The following RABGAP1L variants were observed in gnomAD, a reference collection of about 807,000 sequenced individuals.
RABGAP1L encodes the protein rab GTPase-activating protein 1-like.
RABGAP1L carries 63 observed loss-of-function variants against 137.7 expected under a neutral mutation model. That is an observed-to-expected ratio of 0.46 (90% confidence interval 0.37 to 0.56). The LOEUF is 0.56. Ranked by LOEUF, RABGAP1L falls within the 20% of genes least tolerant of loss-of-function variation. The probability of loss-of-function intolerance (pLI) is 0.00; values close to 1 mark genes in which losing one functional copy is unlikely to be tolerated. For missense variants in RABGAP1L, 1,095 were observed against 1,244.0 expected (o/e 0.88, Z 1.80); for synonymous variants, 431 against 433.7 (o/e 0.99, Z 0.08).
intron 19 of RABGAP1L, among the ~76,000 whole-genome samples, chr1:174,827,855 T>C (rs561431474): frequency 6.7e-6 from 1 of 148,232 alleles, no homozygotes; most frequent in Non-Finnish European, 1.5e-5. Context: ...TCCTATGTTA[T>C]GCAGACCATA....
At chr1:174,899,576 TGCACCCTGAGAGGA>T (rs1657801095) in intron 19 of RABGAP1L, among the ~76,000 whole-genome samples, 1 of 152,208 alleles carries the variant, frequency 6.6e-6, no homozygotes, top group African/African-American at 2.4e-5. Context: ...TGTGAGTTTA[TGCACCCTGAGAGGA>T]TCATGTCTAG....
intron 19 of RABGAP1L, among the ~76,000 whole-genome samples, chr1:174,828,271 G>A (rs567303472): frequency 6.8e-6 from 1 of 147,916 alleles, no homozygotes; most frequent in Admixed American, 6.8e-5. Flanking sequence ...TTTGGTTTCT[G>A]TCCCCTCTAG....
At chr1:174,174,025 T>C (rs1408711315) in intron 1 of RABGAP1L, among the ~76,000 whole-genome samples, 5 of 152,182 alleles carry the variant, frequency 3.3e-5, no homozygotes, top group Non-Finnish European at 5.9e-5. Context: ...TAAAGCTCTT[T>C]AGGCTGTCGC....
At chr1:174,587,775 A>G (rs998177816) in intron 13 of RABGAP1L, among the ~76,000 whole-genome samples, 5 of 150,494 alleles carry the variant, frequency 3.3e-5, no homozygotes, top group African/African-American at 7.2e-5. Flanking sequence ...ATGCATGACA[A>G]TAACATCAGG....
At position 174,448,031 on chromosome 1, in the gene RABGAP1L, CAT is replaced by C; in HGVS notation, c.1710+53887_1710+53888del. On this transcript the variant is annotated intron_variant, in intron 13 of 25. Coordinates refer to ENST00000681986, the MANE Select transcript of RABGAP1L (RefSeq NM_001366446.1). This position sits in a 1 kb window ranked among gnomAD's most constrained non-coding sequence, Gnocchi z 4.2. Reference sequence around the variant, plus strand: ...CTACTGAAGCAGGTTCTGAAACACTCATGTGCGGTGTTTAACAGATGCTGGGC... The same window carrying C: ...CTACTGAAGCAGGTTCTGAAACACTCGTGCGGTGTTTAACAGATGCTGGGC... The C allele has an allele frequency of 1.7e-6, 2 of 1,184,164 alleles. No homozygotes were observed. The highest frequency in any genetic ancestry group is 1.4e-5 in the South Asian group (1 of 70,400). The allele number at this position is 1,184,164 out of a possible 1,614,324, so 73.4% of individuals were successfully genotyped here.
Position 174,598,253 on chromosome 1 carries a change from G to T in RABGAP1L, c.1711-39122G>T, listed in dbSNP as rs973527836. 3.3e-5 allele frequency among the ~76,000 whole-genome samples: 5 copies of T among 150,674 alleles called. No homozygotes were observed. The South Asian group carries it at 6.3e-4, about 19-fold the overall frequency. ...TGAGGCAGGGGAATCCCTTGAACCC[G>T]GGAGGCGGAGGTTGCAGTGAGCCGA... On this transcript the variant is annotated intron_variant, in intron 13 of 25. Coordinates refer to ENST00000681986, the MANE Select transcript of RABGAP1L (RefSeq NM_001366446.1).
intron 18 of RABGAP1L, among the ~76,000 whole-genome samples, chr1:174,802,078 A>G (rs1019461454): frequency 6.6e-6 from 1 of 152,216 alleles, no homozygotes; most frequent in African/African-American, 2.4e-5. Context: ...TTAGGGATGA[A>G]TTTAAACTGC....
intron 13 of RABGAP1L, among the ~76,000 whole-genome samples, chr1:174,610,742 C>A (rs940697713): frequency 6.6e-6 from 1 of 152,206 alleles, no homozygotes; most frequent in East Asian, 1.9e-4. Flanking sequence ...TTAATGATCA[C>A]CATTCTAACT....
At chr1:174,649,724 T>G (rs9425784) in intron 14 of RABGAP1L, among the ~76,000 whole-genome samples, 123,132 of 152,088 alleles carry the variant, frequency 0.81, 50,637 homozygotes, top group African/African-American at 0.95. Flanking sequence ...ATTAGCTTAA[T>G]GAGATTTTGG....
chr1:174,391,471 C>T (rs565487412), intron 12 of RABGAP1L, among the ~76,000 whole-genome samples: 1 of 152,136 alleles, frequency 6.6e-6, no homozygotes, highest in South Asian at 2.1e-4. Flanking sequence ...CACATGCCAC[C>T]ATGGCCGGCT....
chr1:174,575,179 C>T (rs1668284645), intron 13 of RABGAP1L, among the ~76,000 whole-genome samples: 1 of 152,194 alleles, frequency 6.6e-6, no homozygotes, highest in Non-Finnish European at 1.5e-5. Flanking sequence ...ATCCACCCAC[C>T]TCGGCCTCCC....
intron 13 of RABGAP1L, among the ~76,000 whole-genome samples, chr1:174,535,859 A>C (rs1246321629): frequency 1.3e-5 from 2 of 152,192 alleles, no homozygotes; most frequent in African/African-American, 4.8e-5. Context: ...AAAATTGAGC[A>C]TATTTAAAAA....
In RABGAP1L at chr1:174,448,580, C is replaced by T. The variant is rs1053161033; in HGVS notation, c.1710+54435C>T. On this transcript the variant is annotated intron_variant, in intron 13 of 25. Coordinates refer to ENST00000681986, the MANE Select transcript of RABGAP1L (RefSeq NM_001366446.1). This position sits in a 1 kb window ranked among gnomAD's most constrained non-coding sequence, Gnocchi z 4.2. ...CTACAATCAACTGGTCACCCCTTGT[C>T]GCTTGAGAATTTGCATTATTTTGAT... 2.5e-6 allele frequency: 4 copies of T among 1,613,908 alleles called. No individual in the cohort carries two copies. In the South Asian group the frequency reaches 3.3e-5, roughly 13 times the overall value.
Position 174,559,257 on chromosome 1 carries a change from G to A in RABGAP1L, c.1711-78118G>A, listed in dbSNP as rs529503307. ...AAGTCTTAGAACTTTATCTATTCAA[G>A]GTAATAAAAATTTCAACTTTGGTCT... On this transcript the variant is annotated intron_variant, in intron 13 of 25. Coordinates refer to ENST00000681986, the MANE Select transcript of RABGAP1L (RefSeq NM_001366446.1). 2.0e-3 allele frequency among the ~76,000 whole-genome samples: 300 copies of A among 152,044 alleles called. 3 individuals carry two copies. The highest frequency in any genetic ancestry group is 6.9e-3 in the African/African-American group (286 of 41,454).
chr1:174,440,467 TAGG>T (rs1653997031), intron 13 of RABGAP1L, among the ~76,000 whole-genome samples: 1 of 152,178 alleles, frequency 6.6e-6, no homozygotes, highest in South Asian at 2.1e-4. Flanking sequence ...AGTTACCAGG[TAGG>T]AGAAGTAGTT....
chr1:174,968,500 G>GTTTTTTTTTTTTTTTTTTT (rs5778822), intron 20 of RABGAP1L, among the ~76,000 whole-genome samples: 1 of 147,030 alleles, frequency 6.8e-6, no homozygotes. Flanking sequence ...TAGTGACTTG[G>GTTTTTTTTTTTTTTTTTTT]TTTTTTTTTT....
intron 18 of RABGAP1L, among the ~76,000 whole-genome samples, chr1:174,804,205 C>CTT (rs1689026298): frequency 6.6e-6 from 1 of 150,884 alleles, no homozygotes; most frequent in Non-Finnish European, 1.5e-5. Context: ...GAAACTTTGA[C>CTT]TTTGCTTATA....
At chr1:174,437,612 C>T (rs947743407) in intron 13 of RABGAP1L, among the ~76,000 whole-genome samples, 7 of 152,252 alleles carry the variant, frequency 4.6e-5, no homozygotes, top group South Asian at 2.1e-4. Flanking sequence ...CTGAAAGTGA[C>T]GGGGAGAATG....
chr1:174,695,567 T>G (rs1295581708), intron 15 of RABGAP1L, among the ~76,000 whole-genome samples: 1 of 152,202 alleles, frequency 6.6e-6, no homozygotes, highest in African/African-American at 2.4e-5. Flanking sequence ...CTGAATTCTC[T>G]TAAATGTCAC....
Sources: allele counts gnomAD v4.1 joint callset (sites outside exome capture counted in the v4.1 genomes callset), GRCh38; gene constraint gnomAD v4.1.1; non-coding constraint Gnocchi (gnomAD v3.1); transcripts MANE v1.5; gene names NCBI Gene and HGNC (gene_info 2026-07-23, HGNC 2026-07-21).